CCSER1: variants seen among roughly 807,000 people sequenced by gnomAD.
CCSER1 encodes the protein serine-rich coiled-coil domain-containing protein 1.
CCSER1 carries 41 observed loss-of-function variants against 82.0 expected under a neutral mutation model. The observed-to-expected ratio is 0.50, with a 90% CI of 0.39 to 0.65. CCSER1 has a LOEUF of 0.65. Among genes scored for constraint, CCSER1 ranks in the 30% least tolerant of loss-of-function variants. The pLI, the probability that CCSER1 is intolerant of heterozygous loss-of-function variation, is 0.00. For synonymous variants in CCSER1, 414 were observed against 383.9 expected (o/e 1.08, Z -0.92); for missense variants, 1,119 against 1,064.2 (o/e 1.05, Z -0.72).
At chr4:90,288,579 T>C (rs989092239) in intron 1 of CCSER1, among the ~76,000 whole-genome samples, 2 of 151,954 alleles carry the variant, frequency 1.3e-5, no homozygotes, top group Non-Finnish European at 2.9e-5. Flanking sequence ...ATATGTTTCC[T>C]GTTTTTGAAT....
intron 10 of CCSER1, among the ~76,000 whole-genome samples, chr4:91,214,165 A>G (rs1737055121): frequency 6.6e-6 from 1 of 152,100 alleles, no homozygotes; most frequent in South Asian, 2.1e-4. Flanking sequence ...TCAGTGAGAA[A>G]CCACACTTGA....
intron 1 of CCSER1, among the ~76,000 whole-genome samples, chr4:90,228,035 G>A (rs1006904067): frequency 2.0e-5 from 3 of 152,212 alleles, no homozygotes; most frequent in South Asian, 4.1e-4. Context: ...AGGTGGCAGC[G>A]AGGCTTGGGG....
At chr4:90,808,418 A>AT (rs1757800863) in intron 7 of CCSER1, among the ~76,000 whole-genome samples, 1 of 152,268 alleles carries the variant, frequency 6.6e-6, no homozygotes, top group East Asian at 1.9e-4. Flanking sequence ...AAAAGCTTCT[A>AT]TACAACAAAA....
At chr4:90,942,992 A>G (rs909952975) in intron 9 of CCSER1, among the ~76,000 whole-genome samples, 6 of 150,320 alleles carry the variant, frequency 4.0e-5, no homozygotes, top group Middle Eastern at 6.9e-3. Context: ...TCACCCCTGT[A>G]AGGAAGAATA....
chr4:90,390,647 T>C (rs1369321029), intron 3 of CCSER1, among the ~76,000 whole-genome samples: 3 of 152,224 alleles, frequency 2.0e-5, no homozygotes, highest in Admixed American at 6.5e-5. Context: ...TATTCCATAG[T>C]GTATATGCAC....
At chr4:90,963,084 T>C (rs1408849203) in intron 9 of CCSER1, among the ~76,000 whole-genome samples, 1 of 152,176 alleles carries the variant, frequency 6.6e-6, no homozygotes, top group Non-Finnish European at 1.5e-5. Flanking sequence ...GGTTTCTTTT[T>C]AAGGTAGAAT....
At chr4:90,878,613 T>G (rs1720730689) in intron 8 of CCSER1, among the ~76,000 whole-genome samples, 1 of 152,120 alleles carries the variant, frequency 6.6e-6, no homozygotes, top group Non-Finnish European at 1.5e-5. Flanking sequence ...ACCCCTACCC[T>G]GAAAATCTTT....
intron 10 of CCSER1, among the ~76,000 whole-genome samples, chr4:91,408,615 G>A (rs1048397534): frequency 6.6e-6 from 1 of 152,096 alleles, no homozygotes; most frequent in African/African-American, 2.4e-5. Context: ...GGTGTTCATA[G>A]TCATCTAAAC....
At chr4:90,948,711 A>G (rs1234965018) in intron 9 of CCSER1, among the ~76,000 whole-genome samples, 1 of 152,098 alleles carries the variant, frequency 6.6e-6, no homozygotes, top group Middle Eastern at 3.2e-3. Context: ...TTTGTAAAAA[A>G]TAGAATTAGG....
chr4:90,504,483 A>T (rs1387560769), intron 5 of CCSER1, among the ~76,000 whole-genome samples: 2 of 152,174 alleles, frequency 1.3e-5, no homozygotes, highest in Non-Finnish European at 2.9e-5. Context: ...TCTCTAAAAA[A>T]CTGGGACTTT....
At chr4:91,372,101 C>A (rs1750088098) in intron 10 of CCSER1, among the ~76,000 whole-genome samples, 1 of 152,134 alleles carries the variant, frequency 6.6e-6, no homozygotes, top group African/African-American at 2.4e-5. Flanking sequence ...CTAAAAGGAT[C>A]TGTGTATTTG....
chr4:90,313,900 A>G (rs543677923), intron 3 of CCSER1, among the ~76,000 whole-genome samples: 1 of 152,308 alleles, frequency 6.6e-6, no homozygotes, highest in African/African-American at 2.4e-5. Context: ...CCTTAAAATA[A>G]TCTTTCTACC....
intron 10 of CCSER1, among the ~76,000 whole-genome samples, chr4:91,497,629 T>A (rs1758994988): frequency 6.6e-6 from 1 of 151,812 alleles, no homozygotes; most frequent in African/African-American, 2.4e-5. Flanking sequence ...CAGTAATCTA[T>A]GCTAATTTTT....
At position 91,265,860 on chromosome 4, in the gene CCSER1, A is replaced by G. The variant is rs188115673; in HGVS notation, c.2217+179866A>G. ...GCATTTTCACACTACTGATAAAGAC[A>G]TACCCAAGACTGGGAAGAAAAGTAG... is the stretch of plus-strand genomic sequence containing the variant. On this transcript the variant is annotated intron_variant, in intron 10 of 10. Coordinates refer to ENST00000509176, the MANE Select transcript of CCSER1 (RefSeq NM_001145065.2). Among the ~76,000 whole-genome samples, 260 of 152,324 alleles carry G rather than the reference A, an allele frequency of 1.7e-3. 2 individuals carry two copies. The highest frequency in any genetic ancestry group is 5.8e-3 in the African/African-American group (241 of 41,566).
intron 1 of CCSER1, among the ~76,000 whole-genome samples, chr4:90,128,662 G>C (rs1722275365): frequency 6.6e-6 from 1 of 152,184 alleles, no homozygotes; most frequent in South Asian, 2.1e-4. Flanking sequence ...GCCAGCAAGG[G>C]GTAAGGGTGA....
chr4:90,811,975 T>C (rs1158581614), intron 7 of CCSER1, among the ~76,000 whole-genome samples: 9 of 88,496 alleles, frequency 1.0e-4, no homozygotes, highest in South Asian at 3.0e-4. Context: ...TACACATATA[T>C]ATATATATAT....
chr4:91,584,990 C>T (rs1560781441), intron 10 of CCSER1, among the ~76,000 whole-genome samples: 3 of 151,438 alleles, frequency 2.0e-5, no homozygotes, highest in Non-Finnish European at 4.4e-5. Flanking sequence ...TGTAACCTTT[C>T]TAAAATACTG....
intron 3 of CCSER1, among the ~76,000 whole-genome samples, chr4:90,326,236 A>G (rs1050983425): frequency 1.3e-5 from 2 of 151,448 alleles, no homozygotes; most frequent in Admixed American, 1.3e-4. Flanking sequence ...TTTTTTTTGT[A>G]TTTTTAGTAG....
intron 6 of CCSER1, among the ~76,000 whole-genome samples, chr4:90,696,340 A>AGAT (rs1328730960): frequency 2.0e-5 from 3 of 152,156 alleles, no homozygotes; most frequent in Non-Finnish European, 4.4e-5. Context: ...TTGAATGACA[A>AGAT]GATGGCTCTT....
Sources: gnomAD v4.1 joint callset for allele counts (sites outside exome capture counted in the v4.1 genomes callset) on GRCh38, gnomAD v4.1.1 for gene constraint, MANE v1.5 for transcripts, NCBI Gene and HGNC (gene_info 2026-07-23, HGNC 2026-07-21) for gene names.